The following RNF38 variants were observed in gnomAD, a reference collection of about 807,000 sequenced individuals.
RNF38 encodes the protein ring finger protein 38, also known as E3 ubiquitin-protein ligase RNF38.
A neutral mutation model predicts 67.2 loss-of-function variants in RNF38; 15 were observed. The observed-to-expected ratio is 0.22, with a 90% CI of 0.15 to 0.34. The LOEUF (loss-of-function observed/expected upper bound fraction) is 0.34, where lower values mean the gene tolerates loss of function less well. Ranked by LOEUF, RNF38 falls within the 10% of genes least tolerant of loss-of-function variation. RNF38 has a pLI of 1.00. For synonymous variants in RNF38, 220 were observed against 218.8 expected, an observed-to-expected ratio of 1.01 and a Z score of -0.05; for missense variants, 524 against 639.9, an observed-to-expected ratio of 0.82 and a Z score of 1.95.
In RNF38 at chr9:36,369,705, TTC is replaced by T. The variant is rs768889698; in HGVS notation, c.570+12_570+13del. The T allele has an allele frequency of 3.9e-6, 6 of 1,547,252 alleles. No individual in the cohort carries two copies. The highest frequency in any genetic ancestry group is 2.4e-5 in the South Asian group (2 of 82,666). On this transcript the variant is annotated intron_variant, in intron 4 of 11. Transcript: ENST00000259605. ...TTTCAGCTTCTGTATTTCCAAGACA[TTC>T]TGTTATTGTACCTGATCATGTATGT...
rs925720403 is a variant in RNF38 at position 36,337,121 on chromosome 9, C to T, written c.*2631G>A. 1 of 152,204 alleles carries T rather than the reference C, an allele frequency of 6.6e-6. No individual in the cohort carries two copies. Among genetic ancestry groups the T allele is most frequent in the Admixed American group, 6.5e-5 (1 of 15,274 alleles). 9.4% of individuals were successfully genotyped at this position (152,204 alleles called of 1,614,324 possible). ...ACGAAGGCCAATGAACCAACATCTG[C>T]CTGCTATCTGGTGCATCACCCAAGG... On this transcript the variant is annotated 3_prime_UTR_variant, in exon 12 of 12. Transcript: ENST00000259605.
At chr9:36,484,807 A>G (rs935631730) in intron 1 of RNF38, among the ~76,000 whole-genome samples, 1 of 152,150 alleles carries the variant, frequency 6.6e-6, no homozygotes, top group Non-Finnish European at 1.5e-5. Flanking sequence ...AGATTCACCT[A>G]TTTTAATGAG....
chr9:36,463,426 A>T (rs747947540), intron 1 of RNF38, among the ~76,000 whole-genome samples: 24 of 152,216 alleles, frequency 1.6e-4, no homozygotes, highest in Non-Finnish European at 3.1e-4. Flanking sequence ...TTCTGGATCC[A>T]TGAAATAGAA....
chr9:36,458,200 T>C (rs1429746880), intron 1 of RNF38, among the ~76,000 whole-genome samples: 1 of 152,162 alleles, frequency 6.6e-6, no homozygotes, highest in African/African-American at 2.4e-5. Flanking sequence ...AACTTTTCTG[T>C]CTAGCTAAAG....
chr9:36,411,020 G>A (rs1026186362), intron 2 of RNF38, among the ~76,000 whole-genome samples: 3 of 152,064 alleles, frequency 2.0e-5, no homozygotes, highest in African/African-American at 7.2e-5. Flanking sequence ...ACATTTAAAT[G>A]GTTAAGATGG....
chr9:36,390,382 T>C, intron 2 of RNF38, 85 bp downstream of exon 2: 2 of 1,133,348 alleles, frequency 1.8e-6, no homozygotes, highest in Admixed American at 2.6e-5. Flanking sequence ...GAGACGATAT[T>C]GGGCATTTTG....
chr9:36,387,864 G>A (rs1292534895), intron 2 of RNF38, among the ~76,000 whole-genome samples: 1 of 151,618 alleles, frequency 6.6e-6, no homozygotes, highest in Admixed American at 6.6e-5. Context: ...GCCTGTAATA[G>A]CATTAAAAAA....
chr9:36,481,172 G>A (rs572410538), intron 1 of RNF38, among the ~76,000 whole-genome samples: 4 of 151,730 alleles, frequency 2.6e-5, no homozygotes, highest in African/African-American at 9.7e-5. Flanking sequence ...GTGCCACCAC[G>A]CCCAGCTAAT....
At chr9:36,435,917 C>T (rs1839055228) in intron 1 of RNF38, among the ~76,000 whole-genome samples, 1 of 152,220 alleles carries the variant, frequency 6.6e-6, no homozygotes, top group Admixed American at 6.5e-5. Context: ...GCGTGAGCCA[C>T]CGCGCCCGGA....
chr9:36,454,875 C>T (rs1449315653), intron 1 of RNF38, among the ~76,000 whole-genome samples: 1 of 151,934 alleles, frequency 6.6e-6, no homozygotes, highest in Non-Finnish European at 1.5e-5. Context: ...TGAGCCACTG[C>T]ACCCGACCTA....
At chr9:36,371,111 G>A (rs1835346433) in intron 3 of RNF38, among the ~76,000 whole-genome samples, 1 of 152,086 alleles carries the variant, frequency 6.6e-6, no homozygotes, top group South Asian at 2.1e-4. Flanking sequence ...ACTCTACATT[G>A]GGCAAAGGAG....
At chr9:36,415,328 T>C (rs1838434423) in intron 2 of RNF38, among the ~76,000 whole-genome samples, 1 of 152,218 alleles carries the variant, frequency 6.6e-6, no homozygotes, top group Non-Finnish European at 1.5e-5. Flanking sequence ...AATTTTCCAG[T>C]GTATTTTGTA....
At position 36,343,811 on chromosome 9, in the gene RNF38, G is replaced by T. The variant is rs143666094; in HGVS notation, c.1385+1021C>A. 2.5e-3 allele frequency among the ~76,000 whole-genome samples: 387 copies of T among 152,272 alleles called. 2 individuals are homozygous for T. Among genetic ancestry groups the T allele is most frequent in the African/African-American group, 8.1e-3 (336 of 41,554 alleles). ...GCTAGACACAAAAAGACCCTATATT[G>T]TATGACCCCATTTATGTGTAATCTA... is the stretch of plus-strand genomic sequence containing the variant. On this transcript the variant is annotated intron_variant, in intron 10 of 11. Transcript: ENST00000259605.
rs139143569 is a variant in RNF38 at position 36,480,152 on chromosome 9, T to C, written n.241+7156A>G. On this transcript the variant is annotated intron_variant and non_coding_transcript_variant, in intron 1 of 3. Coordinates refer to the RNF38 transcript ENST00000488058. ...CACCACCACACCCAGCTAAGTTTTGTATTTTTAGTAGAGACAGAGTTTCAC... is the reference window on the plus strand; with the variant it reads ...CACCACCACACCCAGCTAAGTTTTGCATTTTTAGTAGAGACAGAGTTTCAC... Among the ~76,000 whole-genome samples, 175 of 152,138 alleles carry C rather than the reference T, an allele frequency of 1.2e-3. 1 individual carries two copies. Among genetic ancestry groups the C allele is most frequent in the African/African-American group, 3.8e-3 (158 of 41,504 alleles).
At chr9:36,387,399 A>T (rs992092108) in intron 2 of RNF38, among the ~76,000 whole-genome samples, 1 of 152,218 alleles carries the variant, frequency 6.6e-6, no homozygotes, top group African/African-American at 2.4e-5. Context: ...GTTGTGCCAG[A>T]TATAAAATTA....
At chr9:36,368,238 A>G (rs1233360538) in intron 4 of RNF38, among the ~76,000 whole-genome samples, 5 of 152,176 alleles carry the variant, frequency 3.3e-5, no homozygotes, top group Non-Finnish European at 7.4e-5. Context: ...AGGATTTCTA[A>G]TTCTTGTGTT....
intron 1 of RNF38, among the ~76,000 whole-genome samples, chr9:36,457,714 C>T (rs1839626260): frequency 6.6e-6 from 1 of 152,004 alleles, no homozygotes; most frequent in African/African-American, 2.4e-5. Flanking sequence ...TCAAGACCAG[C>T]CTGGCTAACA....
intron 2 of RNF38, among the ~76,000 whole-genome samples, chr9:36,381,751 T>A (rs1170909193): frequency 6.6e-6 from 1 of 152,246 alleles, no homozygotes. Flanking sequence ...AAACAATGTA[T>A]ACTTTCCATG....
At chr9:36,465,640 C>T (rs778939803) in intron 1 of RNF38, among the ~76,000 whole-genome samples, 39 of 152,140 alleles carry the variant, frequency 2.6e-4, no homozygotes, top group Non-Finnish European at 5.0e-4. Flanking sequence ...CCACTATACC[C>T]GGCCCATAGC....
Sources: gnomAD v4.1 joint callset for allele counts (sites outside exome capture counted in the v4.1 genomes callset) on GRCh38, gnomAD v4.1.1 for gene constraint, MANE v1.5 for transcripts, NCBI Gene and HGNC (gene_info 2026-07-23, HGNC 2026-07-21) for gene names.